Variants in ADAD1 observed in about 807,000 individuals in gnomAD.
ADAD1 encodes adenosine deaminase domain-containing protein 1.
Under a neutral mutation model 66.8 loss-of-function variants are expected in ADAD1, and 46 were observed. The observed-to-expected ratio is 0.69, with a 90% CI of 0.54 to 0.88. The LOEUF is 0.88. Ranked by LOEUF, ADAD1 falls within the 40% of genes least tolerant of loss-of-function variation. The pLI, the probability that ADAD1 is intolerant of heterozygous loss-of-function variation, is 0.00. For missense variants in ADAD1, 617 were observed against 681.8 expected, an observed-to-expected ratio of 0.91 and a Z score of 1.06; for synonymous variants, 248 against 229.4, an observed-to-expected ratio of 1.08 and a Z score of -0.73.
At chr4:122,379,789 T>A (rs1023531290) in intron 2 of ADAD1, 2 of 307,248 alleles carry the variant, frequency 6.5e-6, no homozygotes, top group Non-Finnish European at 5.9e-6. Context: ...AACTCCTGAG[T>A]AGTTTTAAGG....
At chr4:122,415,186 A>G (rs1796671494) in intron 10 of ADAD1, among the ~76,000 whole-genome samples, 193 bp from the exon 11 acceptor site, 1 of 152,132 alleles carries the variant, frequency 6.6e-6, no homozygotes, top group Admixed American at 6.5e-5. Flanking sequence ...TTAAAATGGA[A>G]AATCTGTTAT....
intron 5 of ADAD1, 44 bp downstream of exon 5, chr4:122,384,010 T>C: frequency 6.8e-7 from 1 of 1,478,112 alleles, no homozygotes; most frequent in Admixed American, 2.2e-5. Context: ...GGTATCATTT[T>C]TCAAAAGGAA....
rs1430419864 is a variant in ADAD1 at position 122,380,827 on chromosome 4, TGTG to T, written c.173-161_173-159del. ...TTAGTACTCGATAGATGCAATAACATGTGGTGCTTGTCATGTGTGCCAAAATTG... is the reference window on the plus strand; with the variant it reads ...TTAGTACTCGATAGATGCAATAACATGTGCTTGTCATGTGTGCCAAAATTG... On this transcript the variant is annotated intron_variant, in intron 3 of 12. Coordinates refer to ENST00000296513, the MANE Select transcript of ADAD1 (RefSeq NM_139243.4). Among the ~76,000 whole-genome samples, 8 of 152,268 alleles carry T rather than the reference TGTG, an allele frequency of 5.3e-5. No individual in the cohort carries two copies. The South Asian group carries it at 1.0e-3, about 20-fold the overall frequency.
At chr4:122,422,314 G>A (rs1191814748) in intron 12 of ADAD1, among the ~76,000 whole-genome samples, 5 of 151,962 alleles carry the variant, frequency 3.3e-5, no homozygotes, top group African/African-American at 4.8e-5. Flanking sequence ...CAGTAGAGAC[G>A]GGGTTTCGCC....
At chr4:122,416,059 C>T (rs62321750) in intron 11 of ADAD1, among the ~76,000 whole-genome samples, 8,061 of 152,188 alleles carry the variant, frequency 0.053, 270 homozygotes, top group Non-Finnish European at 0.074. Context: ...TGTACCCTTA[C>T]GTGTAAGAAC....
Position 122,407,480 on chromosome 4 carries a change from ATTAAT to A in ADAD1, c.725-425_725-421del, listed in dbSNP as rs142954493. Among the ~76,000 whole-genome samples the A allele has an allele frequency of 6.5e-3, 989 of 152,320 alleles. 8 individuals carry two copies. Among genetic ancestry groups the A allele is most frequent in the African/African-American group, 0.023 (952 of 41,572 alleles). Reference sequence around the variant, plus strand: ...CAGCTTCAGTAGAACAGAGAAAGAAATTAATTTGATTTATAGGGTTTGAGTGGATT... The same window carrying A: ...CAGCTTCAGTAGAACAGAGAAAGAAATTGATTTATAGGGTTTGAGTGGATT... On this transcript the variant is annotated intron_variant, in intron 7 of 12. Coordinates refer to ENST00000296513, the MANE Select transcript of ADAD1 (RefSeq NM_139243.4).
At chr4:122,405,566 A>G (rs961717409) in intron 7 of ADAD1, among the ~76,000 whole-genome samples, 1 of 152,164 alleles carries the variant, frequency 6.6e-6, no homozygotes, top group African/African-American at 2.4e-5. Flanking sequence ...TTTCTACCAC[A>G]GTACCCTCCT....
intron 12 of ADAD1, 106 bp from the exon 13 acceptor site, chr4:122,429,518 CTT>C (rs942159298): frequency 3.5e-5 from 21 of 602,914 alleles, no homozygotes; most frequent in East Asian, 1.5e-4. Context: ...TTAAAAAAGA[CTT>C]TGATTAACTT....
At chr4:122,384,087 A>G in intron 5 of ADAD1, 121 bp downstream of exon 5, 1 of 957,586 alleles carries the variant, frequency 1.0e-6, no homozygotes, top group Non-Finnish European at 1.5e-6. Flanking sequence ...CAGGATTTGA[A>G]TAATTTATTT....
intron 11 of ADAD1, among the ~76,000 whole-genome samples, chr4:122,417,998 T>G (rs1796821484): frequency 6.6e-6 from 1 of 152,068 alleles, no homozygotes; most frequent in African/African-American, 2.4e-5. Context: ...CAAAGCTGAA[T>G]AGAAAAGTCA....
At chr4:122,421,985 T>G (rs886975724) in intron 12 of ADAD1, among the ~76,000 whole-genome samples, 19 of 152,124 alleles carry the variant, frequency 1.2e-4, no homozygotes, top group Non-Finnish European at 2.9e-5. Context: ...ATACTCAGTC[T>G]TTTAATGTGA....
chr4:122,391,673 T>C (rs1795454575), intron 5 of ADAD1, among the ~76,000 whole-genome samples: 1 of 152,206 alleles, frequency 6.6e-6, no homozygotes, highest in Non-Finnish European at 1.5e-5. Flanking sequence ...TGTTGGGCTG[T>C]GGGGATAAGT....
At chr4:122,413,735 G>T (rs898101781) in intron 10 of ADAD1, among the ~76,000 whole-genome samples, 2 of 151,370 alleles carry the variant, frequency 1.3e-5, no homozygotes, top group Non-Finnish European at 3.0e-5. Flanking sequence ...TTCTTTTTCA[G>T]ATCACATTCA....
intron 10 of ADAD1, among the ~76,000 whole-genome samples, chr4:122,413,955 T>C (rs1366283864): frequency 1.3e-5 from 2 of 148,736 alleles, no homozygotes; most frequent in East Asian, 2.0e-4. Context: ...TTTCGTGTTA[T>C]TTCAGATCCT....
chr4:122,408,088 C>T, intron 8 of ADAD1, 57 bp downstream of exon 8: 1 of 1,513,714 alleles, frequency 6.6e-7, no homozygotes, highest in Non-Finnish European at 8.9e-7. Flanking sequence ...CCCAAAGTAA[C>T]TTCATATAAA....
intron 6 of ADAD1, among the ~76,000 whole-genome samples, chr4:122,395,137 G>A (rs567745547): frequency 6.6e-5 from 10 of 152,072 alleles, no homozygotes; most frequent in Non-Finnish European, 1.3e-4. Flanking sequence ...TGCAACCTCT[G>A]CCTCCCAAGT....
At chr4:122,401,715 T>C (rs1426544769) in intron 7 of ADAD1, among the ~76,000 whole-genome samples, 1 of 152,138 alleles carries the variant, frequency 6.6e-6, no homozygotes, top group Non-Finnish European at 1.5e-5. Flanking sequence ...TGATATTTTC[T>C]TGTTGGACTA....
chr4:122,404,674 A>G lies in ADAD1; in HGVS notation c.725-3234A>G, dbSNP rs577730424. Among the ~76,000 whole-genome samples the G allele has an allele frequency of 5.3e-5, 8 of 152,288 alleles. No homozygotes were observed. In the South Asian group the frequency reaches 1.7e-3, roughly 32 times the overall value. ...CTCCACACGCTATTCTGTTCATCCAAGTGGAAGCTGCATGTTAGTCCTGTG... is the reference window on the plus strand; with the variant it reads ...CTCCACACGCTATTCTGTTCATCCAGGTGGAAGCTGCATGTTAGTCCTGTG... On this transcript the variant is annotated intron_variant, in intron 7 of 12. Coordinates refer to ENST00000296513, the MANE Select transcript of ADAD1 (RefSeq NM_139243.4).
intron 12 of ADAD1, among the ~76,000 whole-genome samples, chr4:122,428,218 G>A (rs1437471571): frequency 6.6e-6 from 1 of 151,904 alleles, no homozygotes; most frequent in Non-Finnish European, 1.5e-5. Context: ...ATATAAATTA[G>A]AAAATATTTA....
Sources: allele counts gnomAD v4.1 joint callset (sites outside exome capture counted in the v4.1 genomes callset), GRCh38; gene constraint gnomAD v4.1.1; transcripts MANE v1.5; gene names NCBI Gene and HGNC (gene_info 2026-07-23, HGNC 2026-07-21).